Variants in B3GALT1 observed in about 807,000 individuals in gnomAD.
The protein encoded by B3GALT1 is beta-1,3-galactosyltransferase 1, also known as UDP-Gal:betaGlcNAc beta 1,3-galactosyltransferase, polypeptide 1.
In B3GALT1, 10 loss-of-function variants were observed where a neutral mutation model predicts 23.2. That is an observed-to-expected ratio of 0.43 (90% CI 0.27 to 0.73). The LOEUF is 0.73. Ranked by LOEUF, B3GALT1 falls within the 30% of genes least tolerant of loss-of-function variation. The pLI is 0.21. For synonymous variants in B3GALT1, 156 were observed against 141.5 expected, an observed-to-expected ratio of 1.10 and a Z score of -0.73; for missense variants, 299 against 405.4, an observed-to-expected ratio of 0.74 and a Z score of 2.25.
chr2:167,658,036 C>G (rs1685985218), intron 3 of B3GALT1, among the ~76,000 whole-genome samples: 1 of 78,904 alleles, frequency 1.3e-5, no homozygotes, highest in South Asian at 6.9e-4. Context: ...TAAGTGTTGC[C>G]AATGATAAAA....
At chr2:167,395,756 G>A (rs115034183) in intron 1 of B3GALT1, among the ~76,000 whole-genome samples, 425 of 151,638 alleles carry the variant, frequency 2.8e-3, no homozygotes, top group African/African-American at 9.7e-3. Context: ...TGCTTCCTTG[G>A]ATATTCAAGA....
At chr2:167,438,003 C>A (rs1328793152) in intron 1 of B3GALT1, among the ~76,000 whole-genome samples, 1 of 152,158 alleles carries the variant, frequency 6.6e-6, no homozygotes, top group Non-Finnish European at 1.5e-5. Flanking sequence ...CCTAGTGAGG[C>A]TAAAAAGAGT....
At chr2:167,771,410 T>C (rs925799514) in intron 3 of B3GALT1, among the ~76,000 whole-genome samples, 1 of 151,994 alleles carries the variant, frequency 6.6e-6, no homozygotes, top group African/African-American at 2.4e-5. Flanking sequence ...GCCAACATGG[T>C]GAAACCCCAT....
intron 2 of B3GALT1, among the ~76,000 whole-genome samples, chr2:167,560,960 T>C (rs1683973362): frequency 6.6e-6 from 1 of 151,784 alleles, no homozygotes; most frequent in African/African-American, 2.4e-5. Flanking sequence ...GCGGACCTAA[T>C]AGACATCTAC....
intron 3 of B3GALT1, among the ~76,000 whole-genome samples, chr2:167,668,109 T>C (rs1489656854): frequency 1.3e-5 from 2 of 152,202 alleles, no homozygotes; most frequent in African/African-American, 4.8e-5. Flanking sequence ...ATGATGGTGA[T>C]GTACAGATGG....
chr2:167,436,778 G>A (rs1184251832), intron 1 of B3GALT1, among the ~76,000 whole-genome samples: 1 of 152,006 alleles, frequency 6.6e-6, no homozygotes, highest in Non-Finnish European at 1.5e-5. Context: ...CCAGTTAAGA[G>A]GGTGCTGGAA....
intron 1 of B3GALT1, among the ~76,000 whole-genome samples, chr2:167,464,791 A>G (rs1699319762): frequency 6.6e-6 from 1 of 152,204 alleles, no homozygotes; most frequent in Non-Finnish European, 1.5e-5. Context: ...ATGAAGTTAC[A>G]GTGATATTGT....
At chr2:167,647,622 T>A (rs911555251) in intron 3 of B3GALT1, among the ~76,000 whole-genome samples, 1 of 152,178 alleles carries the variant, frequency 6.6e-6, no homozygotes, top group African/African-American at 2.4e-5. Flanking sequence ...TACTTCCTGT[T>A]CTGAATGTCT....
In B3GALT1 at chr2:167,620,553, C is replaced by T. The variant is rs573000259; in HGVS notation, c.-409-26356C>T. The stretch of plus-strand genomic sequence containing the variant: ...TTTATATTTGCAAATCTCATATTTG[C>T]AAATTCACCTACTTACTAAGATTTA... On this transcript the variant is annotated intron_variant, in intron 2 of 4. Coordinates refer to ENST00000392690, the MANE Select transcript of B3GALT1 (RefSeq NM_020981.4). Among the ~76,000 whole-genome samples, 3 of 152,146 alleles carry T rather than the reference C, an allele frequency of 2.0e-5. No homozygotes were observed. In the South Asian group the frequency reaches 6.2e-4, roughly 32 times the overall value.
At chr2:167,777,655 A>G (rs1688183006) in intron 3 of B3GALT1, among the ~76,000 whole-genome samples, 1 of 152,144 alleles carries the variant, frequency 6.6e-6, no homozygotes, top group African/African-American at 2.4e-5. Flanking sequence ...GCCAAAACCT[A>G]TTATATTGTT....
At chr2:167,324,222 C>G (rs540510607) in intron 1 of B3GALT1, among the ~76,000 whole-genome samples, 1 of 152,056 alleles carries the variant, frequency 6.6e-6, no homozygotes, top group East Asian at 1.9e-4. Flanking sequence ...AGGGTATGGG[C>G]CAAAATTACC....
intron 2 of B3GALT1, among the ~76,000 whole-genome samples, chr2:167,595,663 T>A (rs1053178060): frequency 6.6e-6 from 1 of 152,232 alleles, no homozygotes; most frequent in Non-Finnish European, 1.5e-5. Context: ...GGGGTGAGGT[T>A]AAATTATTCA....
intron 1 of B3GALT1, among the ~76,000 whole-genome samples, chr2:167,341,178 A>G (rs938972290): frequency 1.3e-5 from 2 of 152,190 alleles, no homozygotes; most frequent in Non-Finnish European, 2.9e-5. Context: ...GATTTAGACT[A>G]TGGAAACAAA....
chr2:167,693,964 G>A lies in B3GALT1; in HGVS notation c.-352+46998G>A, dbSNP rs149034597. On this transcript the variant is annotated intron_variant, in intron 3 of 4. Coordinates refer to ENST00000392690, the MANE Select transcript of B3GALT1 (RefSeq NM_020981.4). The stretch of plus-strand genomic sequence containing the variant: ...TCTTTTCCGTGTGCCGTTGTCTGGG[G>A]TTCCTTATGCAGCTATATTCACTGA... Among the ~76,000 whole-genome samples, 135 of 152,228 alleles carry A rather than the reference G, an allele frequency of 8.9e-4. 3 individuals carry two copies. The East Asian group carries it at 0.023, about 26-fold the overall frequency.
chr2:167,508,341 C>T (rs1405973275), intron 2 of B3GALT1, among the ~76,000 whole-genome samples: 1 of 150,670 alleles, frequency 6.6e-6, no homozygotes, highest in African/African-American at 2.4e-5. Flanking sequence ...TCACTGCAAG[C>T]TCTGCCTCCC....
At chr2:167,503,960 C>G (rs1699882718) in intron 2 of B3GALT1, among the ~76,000 whole-genome samples, 1 of 152,056 alleles carries the variant, frequency 6.6e-6, no homozygotes, top group South Asian at 2.1e-4. Flanking sequence ...TCTAGCTTTT[C>G]TTTAAATCCT....
chr2:167,620,664 A>G (rs1423174120), intron 2 of B3GALT1, among the ~76,000 whole-genome samples: 2 of 152,090 alleles, frequency 1.3e-5, no homozygotes, highest in Admixed American at 1.3e-4. Context: ...ATCAATGCGC[A>G]CATTCCCAGC....
At chr2:167,684,142 A>C (rs1574211494) in intron 3 of B3GALT1, among the ~76,000 whole-genome samples, 1 of 152,140 alleles carries the variant, frequency 6.6e-6, no homozygotes, top group Non-Finnish European at 1.5e-5. Context: ...TCTCCATTTA[A>C]CTATGAGTTC....
intron 1 of B3GALT1, among the ~76,000 whole-genome samples, chr2:167,353,090 A>G (rs1697342820): frequency 6.6e-6 from 1 of 152,212 alleles, no homozygotes; most frequent in Admixed American, 6.5e-5. Flanking sequence ...TGACTGGTTT[A>G]TTCAGTCTTG....
Sources: allele counts gnomAD v4.1 joint callset (sites outside exome capture counted in the v4.1 genomes callset), GRCh38; gene constraint gnomAD v4.1.1; transcripts MANE v1.5; gene names NCBI Gene and HGNC (gene_info 2026-07-23, HGNC 2026-07-21).